The following ENAH variants were observed in gnomAD, a reference collection of about 807,000 sequenced individuals.
The protein encoded by ENAH is ENAH actin regulator, also known as protein enabled homolog.
ENAH carries 23 observed loss-of-function variants against 78.7 expected under a neutral mutation model. The observed-to-expected ratio is 0.29, with a 90% confidence interval of 0.21 to 0.41. The LOEUF (loss-of-function observed/expected upper bound fraction) is 0.41, where lower values mean the gene tolerates loss of function less well. Ranked by LOEUF, ENAH falls within the 10% of genes least tolerant of loss-of-function variation. The pLI is 1.00. For synonymous variants in ENAH, 226 were observed against 241.0 expected (o/e 0.94, Z 0.58); for missense variants, 544 against 691.0 (o/e 0.79, Z 2.39).
At chr1:225,531,006 A>C (rs904878700) in intron 3 of ENAH, 3 of 400,304 alleles carry the variant, frequency 7.5e-6, no homozygotes, top group Non-Finnish European at 1.3e-5. Flanking sequence ...TGAAGTGGAG[A>C]GGGAGAACTT....
chr1:225,639,802 C>T (rs747354626), intron 1 of ENAH, among the ~76,000 whole-genome samples: 3 of 151,862 alleles, frequency 2.0e-5, no homozygotes, highest in Non-Finnish European at 2.9e-5. Context: ...ATCCTGGAAG[C>T]CCTATGGTCC....
At chr1:225,583,701 G>A (rs1010144647) in intron 1 of ENAH, among the ~76,000 whole-genome samples, 1 of 151,810 alleles carries the variant, frequency 6.6e-6, no homozygotes, top group African/African-American at 2.4e-5. Flanking sequence ...TGAGCTACCT[G>A]GGAGGCTAAG....
In ENAH at chr1:225,567,237, G is replaced by GTAAA; in HGVS notation, c.171+8_171+11dup. On this transcript the variant is annotated intron_variant, in intron 2 of 13. Transcript: ENST00000366843. ...TAAATCATTTTTAACAACAATTGTA[G>GTAAA]TAAAGCCTTACCTGATGGTCCTGAA... 1 of 1,609,996 alleles carries GTAAA rather than the reference G, an allele frequency of 6.2e-7. No individual in the cohort carries two copies. Among genetic ancestry groups the GTAAA allele is most frequent in the Non-Finnish European group, 8.5e-7 (1 of 1,178,720 alleles).
At chr1:225,619,449 C>G (rs778422401) in intron 1 of ENAH, among the ~76,000 whole-genome samples, 13 of 152,130 alleles carry the variant, frequency 8.5e-5, no homozygotes, top group Non-Finnish European at 1.6e-4. Context: ...GAGGCTGAGG[C>G]AGGAGAATCA....
chr1:225,602,812 A>G (rs903288029), intron 1 of ENAH, among the ~76,000 whole-genome samples: 9 of 152,098 alleles, frequency 5.9e-5, no homozygotes, highest in African/African-American at 2.2e-4. Context: ...TCATCTATCT[A>G]GAAGAACCAA....
intron 1 of ENAH, among the ~76,000 whole-genome samples, chr1:225,622,562 G>A (rs1177998243): frequency 6.6e-6 from 1 of 152,136 alleles, no homozygotes; most frequent in East Asian, 1.9e-4. Context: ...CAGCTCTGGA[G>A]GCTGGGGAAG....
intron 1 of ENAH, among the ~76,000 whole-genome samples, chr1:225,622,081 ATAC>A (rs1175430803): frequency 6.6e-6 from 1 of 152,250 alleles, no homozygotes; most frequent in Non-Finnish European, 1.5e-5. Context: ...TTAAAAAGTC[ATAC>A]TATTATTAAG....
At chr1:225,610,770 C>T (rs530427185) in intron 1 of ENAH, among the ~76,000 whole-genome samples, 12 of 152,150 alleles carry the variant, frequency 7.9e-5, no homozygotes, top group Non-Finnish European at 1.6e-4. Context: ...AACGCTAGTA[C>T]GATCAACCAC....
Position 225,651,624 on chromosome 1 carries a change from G to T in ENAH, c.5+1062C>A, listed in dbSNP as rs189144843. Among the ~76,000 whole-genome samples, 12 of 152,256 alleles carry T rather than the reference G, an allele frequency of 7.9e-5. No homozygotes were observed. The East Asian group carries it at 1.9e-3, about 24-fold the overall frequency. On this transcript the variant is annotated intron_variant, in intron 1 of 13. Transcript: ENST00000366843. ...ACTATCTCTTCCAGGAGAGAGAAAT[G>T]GAGTAATTTACTTTATCCACAATTG...
intron 1 of ENAH, among the ~76,000 whole-genome samples, chr1:225,627,259 G>C (rs1259385368): frequency 6.6e-6 from 1 of 152,164 alleles, no homozygotes; most frequent in Non-Finnish European, 1.5e-5. Flanking sequence ...TGGACACGTG[G>C]TATTTAAAGT....
intron 1 of ENAH, among the ~76,000 whole-genome samples, chr1:225,614,935 T>C (rs937192386): frequency 2.0e-5 from 3 of 152,144 alleles, no homozygotes; most frequent in Admixed American, 6.5e-5. Context: ...ACAACCTCAA[T>C]ACCCTTCTCC....
chr1:225,539,371 C>T (rs1412644800), intron 3 of ENAH, among the ~76,000 whole-genome samples: 1 of 152,134 alleles, frequency 6.6e-6, no homozygotes, highest in African/African-American at 2.4e-5. Flanking sequence ...ATCCATTTTA[C>T]TGTTTTTTAA....
At chr1:225,511,662 A>G (rs1030989098) in intron 10 of ENAH, 149 bp downstream of exon 10, 13 of 513,392 alleles carry the variant, frequency 2.5e-5, no homozygotes, top group Non-Finnish European at 4.2e-5. Flanking sequence ...GGAGGAAAAA[A>G]GTGAATGCTT....
chr1:225,564,293 TTTTG>T (rs1415648861), intron 2 of ENAH, among the ~76,000 whole-genome samples: 7 of 151,714 alleles, frequency 4.6e-5, no homozygotes, highest in Non-Finnish European at 1.0e-4. Flanking sequence ...GTTTGGGGTT[TTTTG>T]TTTTTTTTTG....
At chr1:225,647,246 A>T (rs934592638) in intron 1 of ENAH, among the ~76,000 whole-genome samples, 7 of 152,202 alleles carry the variant, frequency 4.6e-5, no homozygotes, top group Non-Finnish European at 4.4e-5. Context: ...CAAAAAAAGA[A>T]TCAAAACAAA....
chr1:225,553,760 T>TA (rs1353092110), intron 3 of ENAH, among the ~76,000 whole-genome samples: 9 of 152,324 alleles, frequency 5.9e-5, no homozygotes, highest in Non-Finnish European at 1.0e-4. Flanking sequence ...TTTCTGGACT[T>TA]AGAGACACAC....
Position 225,623,886 on chromosome 1 carries a change from G to A in ENAH, c.5+28800C>T, listed in dbSNP as rs190829355. On this transcript the variant is annotated intron_variant, in intron 1 of 13. Coordinates refer to ENST00000366843, the MANE Select transcript of ENAH (RefSeq NM_018212.6). ...TTACAGGCGTAAGCCACCGGGCCCA[G>A]TCAGTACCCGATAAGTAGTTTTTCA... 2.1e-4 allele frequency among the ~76,000 whole-genome samples: 32 copies of A among 152,268 alleles called. No individual in the cohort carries two copies. The South Asian group carries it at 4.3e-3, about 21-fold the overall frequency.
chr1:225,568,760 T>C (rs919000540), intron 1 of ENAH, among the ~76,000 whole-genome samples: 3 of 152,226 alleles, frequency 2.0e-5, no homozygotes, highest in Admixed American at 6.5e-5. Flanking sequence ...TTGCAGGAGA[T>C]GGCATGTGTT....
intron 7 of ENAH, among the ~76,000 whole-genome samples, chr1:225,513,497 T>TA (rs1299352184): frequency 6.6e-6 from 1 of 152,238 alleles, no homozygotes; most frequent in African/African-American, 2.4e-5. Flanking sequence ...AAACTGTCAC[T>TA]AAAGATGTCA....
Sources: gnomAD v4.1 joint callset for allele counts (sites outside exome capture counted in the v4.1 genomes callset) on GRCh38, gnomAD v4.1.1 for gene constraint, MANE v1.5 for transcripts, NCBI Gene and HGNC (gene_info 2026-07-23, HGNC 2026-07-21) for gene names.